The following PIK3C2G variants were observed in gnomAD, a reference collection of about 807,000 sequenced individuals.
PIK3C2G encodes phosphatidylinositol 3-kinase C2 domain-containing subunit gamma.
Under a neutral mutation model 181.1 loss-of-function variants are expected in PIK3C2G, and 168 were observed. The observed-to-expected ratio is 0.93, with a 90% CI of 0.82 to 1.05. The LOEUF (loss-of-function observed/expected upper bound fraction) is 1.05. Among genes scored for constraint, PIK3C2G ranks in the 50% least tolerant of loss-of-function variants. PIK3C2G has a pLI of 0.00. For synonymous variants in PIK3C2G, 573 were observed against 592.2 expected (o/e 0.97, Z 0.47); for missense variants, 1,869 against 1,732.8 (o/e 1.08, Z -1.40).
chr12:18,506,436 C>A (rs1295196264), intron 24 of PIK3C2G, among the ~76,000 whole-genome samples: 1 of 152,072 alleles, frequency 6.6e-6, no homozygotes, highest in Non-Finnish European at 1.5e-5. Flanking sequence ...AGTGAAGAGA[C>A]TACTGCAATA....
intron 15 of PIK3C2G, 92 bp downstream of exon 15, chr12:18,391,344 G>A: frequency 1.1e-6 from 1 of 915,972 alleles, no homozygotes; most frequent in Non-Finnish European, 1.5e-6. Flanking sequence ...AAGAGTGAGT[G>A]TTCCTTCCTA....
At chr12:18,536,241 G>A (rs1943847187) in intron 24 of PIK3C2G, among the ~76,000 whole-genome samples, 1 of 152,052 alleles carries the variant, frequency 6.6e-6, no homozygotes. Context: ...AAGAGACAAG[G>A]AAATTTAGTG....
At chr12:18,547,551 AAC>A (rs1944497066) in intron 26 of PIK3C2G, among the ~76,000 whole-genome samples, 2 of 152,074 alleles carry the variant, frequency 1.3e-5, no homozygotes, top group East Asian at 3.9e-4. Flanking sequence ...AGTAGCAAGA[AAC>A]AGTGTCTGGT....
At chr12:18,709,859 G>A in the PIK3C2G span, among the ~76,000 whole-genome samples, 1 of 151,950 alleles carries the variant, frequency 6.6e-6, no homozygotes, top group Non-Finnish European at 1.5e-5. Context: ...ATAGTTTTCA[G>A]TATACAGATC....
intron 5 of PIK3C2G, among the ~76,000 whole-genome samples, chr12:18,300,680 T>A (rs1454726084): frequency 6.6e-6 from 1 of 152,114 alleles, no homozygotes; most frequent in Non-Finnish European, 1.5e-5. Context: ...GTTATGTATA[T>A]CTTTTGTTCC....
At chr12:18,536,533 T>C (rs909018116) in intron 24 of PIK3C2G, among the ~76,000 whole-genome samples, 3 of 152,098 alleles carry the variant, frequency 2.0e-5, no homozygotes, top group Non-Finnish European at 4.4e-5. Context: ...AGTTTGTGCC[T>C]CTGCAAAAGC....
At chr12:18,254,109 G>A (rs10770337) in intron 1 of PIK3C2G, among the ~76,000 whole-genome samples, 66,731 of 151,716 alleles carry the variant, frequency 0.44, 15,108 homozygotes, top group East Asian at 0.75. Flanking sequence ...AAGAATATAT[G>A]TTTTTCTTAT....
chr12:18,499,686 G>A (rs975688627), intron 22 of PIK3C2G, among the ~76,000 whole-genome samples: 77 of 152,360 alleles, frequency 5.1e-4, no homozygotes, highest in African/African-American at 1.8e-3. Context: ...TTCCCCGGAG[G>A]TGGAGGAGAG....
At chr12:18,692,878 G>A in the PIK3C2G span, 14 of 1,602,620 alleles carry the variant, frequency 8.7e-6, no homozygotes, top group African/African-American at 1.6e-4. Flanking sequence ...ACTACAGTGG[G>A]GAAAAAGAAG....
chr12:18,279,004 C>T (rs1475557368), intron 1 of PIK3C2G, among the ~76,000 whole-genome samples: 5 of 151,746 alleles, frequency 3.3e-5, no homozygotes, highest in East Asian at 1.9e-4. Context: ...TTCAAGCTTG[C>T]TGTGAGAAGT....
At chr12:18,486,273 C>T (rs1314708414) in intron 18 of PIK3C2G, among the ~76,000 whole-genome samples, 1 of 151,994 alleles carries the variant, frequency 6.6e-6, no homozygotes, top group Non-Finnish European at 1.5e-5. Flanking sequence ...GAAAATAATC[C>T]CAACAGAATA....
intron 5 of PIK3C2G, among the ~76,000 whole-genome samples, chr12:18,309,205 C>T (rs1348903193): frequency 3.3e-5 from 5 of 151,588 alleles, no homozygotes; most frequent in Non-Finnish European, 7.4e-5. Context: ...ATTGATAAAT[C>T]TTTTTTTACC....
chr12:18,689,331 G>A, the PIK3C2G span, among the ~76,000 whole-genome samples: 10 of 152,242 alleles, frequency 6.6e-5, no homozygotes, highest in African/African-American at 2.4e-4. Context: ...AAAACTGAAT[G>A]AGAATTTAGG....
At chr12:18,456,629 A>C (rs1450095891) in intron 18 of PIK3C2G, among the ~76,000 whole-genome samples, 4 of 152,110 alleles carry the variant, frequency 2.6e-5, no homozygotes, top group African/African-American at 7.2e-5. Context: ...TTTACTGTAC[A>C]CTTGGTTGAC....
At chr12:18,648,860 CA>C (rs1314574917), downstream of PIK3C2G, among the ~76,000 whole-genome samples, 4 of 152,014 alleles carry the variant, frequency 2.6e-5, no homozygotes, top group Non-Finnish European at 1.5e-5. Flanking sequence ...TTCTTTAAAA[CA>C]ATCAAAAAAA....
At chr12:18,674,215 T>A in the PIK3C2G span, among the ~76,000 whole-genome samples, 1 of 152,332 alleles carries the variant, frequency 6.6e-6, no homozygotes, top group African/African-American at 2.4e-5. Context: ...CTTTTAAATA[T>A]AAGCCACATA....
At chr12:18,458,853 TA>T (rs1363276649) in intron 18 of PIK3C2G, among the ~76,000 whole-genome samples, 726 of 133,954 alleles carry the variant, frequency 5.4e-3, no homozygotes, top group Middle Eastern at 7.8e-3. Flanking sequence ...ACAGCCAGTT[TA>T]AAAAAAAAAA....
intron 31 of PIK3C2G, among the ~76,000 whole-genome samples, chr12:18,629,455 A>G (rs1363651049): frequency 6.6e-6 from 1 of 152,136 alleles, no homozygotes; most frequent in East Asian, 1.9e-4. Context: ...ACAGAGGAGT[A>G]AACAAGGCCC....
the PIK3C2G span, among the ~76,000 whole-genome samples, chr12:18,708,421 C>A: frequency 0.43 from 65,396 of 152,098 alleles, 16,701 homozygotes; most frequent in South Asian, 0.6. Context: ...TCAATGAACA[C>A]TAGGTTGTTT....
Sources: allele counts gnomAD v4.1 joint callset (sites outside exome capture counted in the v4.1 genomes callset), GRCh38; gene constraint gnomAD v4.1.1; transcripts MANE v1.5; gene names NCBI Gene and HGNC (gene_info 2026-07-23, HGNC 2026-07-21).